HCRTR2: variants seen among roughly 807,000 people sequenced by gnomAD.
HCRTR2 encodes hypocretin receptor 2.
HCRTR2 carries 22 observed loss-of-function variants against 49.0 expected under a neutral mutation model. The ratio of observed to expected loss-of-function variants is 0.45; its 90% CI spans 0.32 to 0.64. The LOEUF (loss-of-function observed/expected upper bound fraction) is 0.64, where lower values mean the gene tolerates loss of function less well. HCRTR2 is among the 30% of genes least tolerant of loss of function. The pLI is 0.04. For missense variants in HCRTR2, 491 were observed against 559.4 expected (o/e 0.88, Z 1.23); for synonymous variants, 236 against 205.3 (o/e 1.15, Z -1.28).
intron 1 of HCRTR2, among the ~76,000 whole-genome samples, chr6:55,210,939 G>A (rs565212535): frequency 3.3e-5 from 5 of 152,120 alleles, no homozygotes; most frequent in Non-Finnish European, 5.9e-5. Context: ...ACGACAGACT[G>A]CATTTACGAC....
chr6:55,108,859 G>A (rs1484621403), intron 1 of HCRTR2, among the ~76,000 whole-genome samples: 1 of 152,130 alleles, frequency 6.6e-6, no homozygotes, highest in African/African-American at 2.4e-5. Context: ...AGAAAGCATT[G>A]TGGGGAGGGG....
chr6:55,263,384 C>A (rs567596099), intron 3 of HCRTR2, among the ~76,000 whole-genome samples: 1 of 151,936 alleles, frequency 6.6e-6, no homozygotes, highest in Admixed American at 6.6e-5. Flanking sequence ...TGTTAATTAG[C>A]CAGATGTAAT....
chr6:55,118,558 ATC>A (rs1243614145), intron 1 of HCRTR2, among the ~76,000 whole-genome samples: 3 of 151,888 alleles, frequency 2.0e-5, no homozygotes, highest in African/African-American at 7.2e-5. Context: ...CCGTGCCAGC[ATC>A]TGTTATGTTT....
intron 1 of HCRTR2, among the ~76,000 whole-genome samples, chr6:55,112,824 T>C (rs1215145758): frequency 1.3e-5 from 2 of 151,320 alleles, no homozygotes; most frequent in African/African-American, 2.4e-5. Flanking sequence ...AGAGCCCACA[T>C]AGCCAAAGCA....
intron 1 of HCRTR2, among the ~76,000 whole-genome samples, chr6:55,216,207 G>A (rs1765783553): frequency 6.6e-6 from 1 of 152,130 alleles, no homozygotes; most frequent in African/African-American, 2.4e-5. Context: ...TCTTAATACT[G>A]TTACATTAGT....
intron 1 of HCRTR2, among the ~76,000 whole-genome samples, chr6:55,154,519 C>T (rs1344878167): frequency 1.3e-5 from 2 of 151,622 alleles, no homozygotes; most frequent in Non-Finnish European, 3.0e-5. Context: ...GGATAAAAAT[C>T]ATATGATCAT....
intron 1 of HCRTR2, among the ~76,000 whole-genome samples, chr6:55,169,492 A>C (rs1039680021): frequency 1.3e-5 from 2 of 151,536 alleles, no homozygotes. Context: ...GAGTGCGTAC[A>C]GTGACACATG....
At chr6:55,171,267 C>T (rs1180320917), upstream of HCRTR2, among the ~76,000 whole-genome samples, 5 of 152,102 alleles carry the variant, frequency 3.3e-5, no homozygotes, top group African/African-American at 9.7e-5. Flanking sequence ...TTTTAATGAT[C>T]GCCATTCTAA....
rs1031376947 is a variant in HCRTR2, at chr6:55,191,667, A to G, written c.223+16857A>G. Among the ~76,000 whole-genome samples the G allele has an allele frequency of 5.9e-5, 9 of 152,148 alleles. No homozygotes were observed. The East Asian group carries it at 1.5e-3, about 26-fold the overall frequency. Reference sequence around the variant, plus strand: ...GACAGTCTAAAAACAAAAACAAAAAACTTCAGCAACAATATTGAAGATATG... The same window carrying G: ...GACAGTCTAAAAACAAAAACAAAAAGCTTCAGCAACAATATTGAAGATATG... On this transcript the variant is annotated intron_variant, in intron 1 of 6. Coordinates refer to ENST00000370862, the MANE Select transcript of HCRTR2 (RefSeq NM_001384272.1).
chr6:55,120,665 G>A (rs148894398), intron 1 of HCRTR2, among the ~76,000 whole-genome samples: 4,954 of 151,378 alleles, frequency 0.033, 130 homozygotes, highest in Non-Finnish European at 0.045. Context: ...GAGATGATAG[G>A]GTTTTCTAAA....
intron 1 of HCRTR2, among the ~76,000 whole-genome samples, chr6:55,143,315 A>G (rs529185458): frequency 5.9e-4 from 90 of 152,176 alleles, no homozygotes; most frequent in Non-Finnish European, 8.2e-4. Flanking sequence ...ATTTTTCCCT[A>G]GAATACAGAA....
intron 1 of HCRTR2, among the ~76,000 whole-genome samples, chr6:55,145,189 T>C (rs559743300): frequency 5.3e-4 from 81 of 152,316 alleles, no homozygotes; most frequent in African/African-American, 1.9e-3. Flanking sequence ...ATGTCAATTG[T>C]GTAACAGACC....
chr6:55,203,076 A>C (rs952136901), intron 1 of HCRTR2, among the ~76,000 whole-genome samples: 6 of 152,172 alleles, frequency 3.9e-5, no homozygotes, highest in Non-Finnish European at 5.9e-5. Context: ...TTTTACCGTT[A>C]CATCAAATTA....
At chr6:55,121,755 G>A (rs1396785657) in intron 1 of HCRTR2, among the ~76,000 whole-genome samples, 1 of 152,080 alleles carries the variant, frequency 6.6e-6, no homozygotes, top group Non-Finnish European at 1.5e-5. Context: ...TTATATGCTG[G>A]ATTATGTTTA....
At chr6:55,277,240 T>G in intron 4 of HCRTR2, 140 bp from the exon 5 acceptor site, 1 of 709,208 alleles carries the variant, frequency 1.4e-6, no homozygotes, top group Non-Finnish European at 2.5e-6. Context: ...GGTCAGCAAA[T>G]GCTCTGGAGA....
chr6:55,218,032 C>CATTGT (rs1200371255), intron 1 of HCRTR2, among the ~76,000 whole-genome samples: 13 of 152,190 alleles, frequency 8.5e-5, no homozygotes, highest in Admixed American at 2.0e-4. Context: ...AGAATCTTCT[C>CATTGT]ATTGTATCAT....
chr6:55,223,850 C>T (rs576816747), intron 1 of HCRTR2, among the ~76,000 whole-genome samples: 4 of 152,110 alleles, frequency 2.6e-5, no homozygotes, highest in African/African-American at 7.2e-5. Context: ...TGTTCATTAT[C>T]AATATGGAGG....
chr6:55,277,835 A>T (rs2127332043), intron 5 of HCRTR2, among the ~76,000 whole-genome samples: 1 of 152,312 alleles, frequency 6.6e-6, no homozygotes, highest in East Asian at 1.9e-4. Context: ...GACATAAAAC[A>T]GATGTTTCTC....
At chr6:55,195,610 A>G (rs1047873379) in intron 1 of HCRTR2, among the ~76,000 whole-genome samples, 1 of 152,326 alleles carries the variant, frequency 6.6e-6, no homozygotes, top group South Asian at 2.1e-4. Flanking sequence ...AAGAAATGAT[A>G]AATTCTTGAG....
Sources: allele counts gnomAD v4.1 joint callset (sites outside exome capture counted in the v4.1 genomes callset), GRCh38; gene constraint gnomAD v4.1.1; transcripts MANE v1.5; gene names NCBI Gene and HGNC (gene_info 2026-07-23, HGNC 2026-07-21).